The following AOPEP variants were observed in gnomAD, a reference collection of about 807,000 sequenced individuals.
AOPEP encodes the protein aminopeptidase O.
A neutral mutation model predicts 98.1 loss-of-function variants in AOPEP; 77 were observed. That is an observed-to-expected ratio of 0.78 (90% confidence interval 0.65 to 0.95). The LOEUF (loss-of-function observed/expected upper bound fraction) is 0.95. Ranked by LOEUF, AOPEP falls within the 40% of genes least tolerant of loss-of-function variation. The pLI is 0.00. For missense variants in AOPEP, 1,024 were observed against 1,024.7 expected, an observed-to-expected ratio of 1.00 and a Z score of 0.01; for synonymous variants, 346 against 365.3, an observed-to-expected ratio of 0.95 and a Z score of 0.60.
At chr9:94,761,711 C>T (rs1838342958) in intron 2 of AOPEP, among the ~76,000 whole-genome samples, 1 of 152,140 alleles carries the variant, frequency 6.6e-6, no homozygotes, top group Admixed American at 6.5e-5. Context: ...AGTTCACTTC[C>T]TGTCTTATTT....
chr9:95,085,975 C>G, intron 16 of AOPEP: 1 of 1,357,500 alleles, frequency 7.4e-7, no homozygotes, highest in Non-Finnish European at 9.8e-7. Flanking sequence ...GCCCACGGAG[C>G]TCCCAGCTGA....
the AOPEP span, chr9:95,111,001 G>A: frequency 7.0e-7 from 1 of 1,428,694 alleles, no homozygotes; most frequent in Non-Finnish European, 9.1e-7. Flanking sequence ...AGTAATGTGA[G>A]GATCTGTTGA....
At chr9:94,943,919 C>CAAA (rs775807087) in intron 7 of AOPEP, among the ~76,000 whole-genome samples, 12 of 17,412 alleles carry the variant, frequency 6.9e-4, no homozygotes, top group East Asian at 9.2e-3. Flanking sequence ...GACTCCATCT[C>CAAA]AAAAAAAAAA....
At chr9:94,803,086 T>C (rs1848529829) in intron 5 of AOPEP, among the ~76,000 whole-genome samples, 1 of 152,158 alleles carries the variant, frequency 6.6e-6, no homozygotes, top group Non-Finnish European at 1.5e-5. Flanking sequence ...GATGGTTTTG[T>C]AAGTCAACTT....
At chr9:94,797,335 G>C (rs182871143) in intron 4 of AOPEP, among the ~76,000 whole-genome samples, 10 of 151,962 alleles carry the variant, frequency 6.6e-5, no homozygotes, top group Admixed American at 2.6e-4. Context: ...GGAGGCTGGG[G>C]CAGGAGAATT....
chr9:95,023,994 G>T (rs559922770), intron 13 of AOPEP, among the ~76,000 whole-genome samples: 2 of 152,272 alleles, frequency 1.3e-5, no homozygotes, highest in South Asian at 4.1e-4. Context: ...AGTTAAAAGG[G>T]TCATTGGATA....
At chr9:94,945,392 G>T (rs965360528) in intron 7 of AOPEP, among the ~76,000 whole-genome samples, 1 of 152,130 alleles carries the variant, frequency 6.6e-6, no homozygotes, top group Non-Finnish European at 1.5e-5. Flanking sequence ...GTCATTTCTA[G>T]TTTTTTGCTT....
At chr9:95,098,538 C>T in the AOPEP span, among the ~76,000 whole-genome samples, 8 of 152,142 alleles carry the variant, frequency 5.3e-5, no homozygotes, top group South Asian at 2.1e-4. Context: ...GTCCCATAGC[C>T]GGAAGCATGG....
intron 1 of AOPEP, among the ~76,000 whole-genome samples, chr9:94,749,712 T>G (rs1588032991): frequency 6.6e-6 from 1 of 152,162 alleles, no homozygotes; most frequent in East Asian, 1.9e-4. Flanking sequence ...AATTTTCTTT[T>G]CCTTTTCAAA....
At chr9:94,772,127 C>T (rs914952955) in intron 2 of AOPEP, among the ~76,000 whole-genome samples, 1 of 152,190 alleles carries the variant, frequency 6.6e-6, no homozygotes, top group Admixed American at 6.5e-5. Flanking sequence ...ATAAGTCAAG[C>T]TGACTAAAAC....
chr9:94,839,174 C>T (rs1380368070), intron 5 of AOPEP, among the ~76,000 whole-genome samples: 1 of 151,498 alleles, frequency 6.6e-6, no homozygotes, highest in African/African-American at 2.4e-5. Flanking sequence ...AAAGCCCTGC[C>T]TCCCGGGTTC....
chr9:95,084,337 CATG>C (rs1347233827), intron 16 of AOPEP, among the ~76,000 whole-genome samples: 2 of 152,174 alleles, frequency 1.3e-5, no homozygotes, highest in African/African-American at 2.4e-5. Context: ...TTTTCAGAAG[CATG>C]ATCATATTCT....
At chr9:95,054,155 G>T (rs1320860075) in intron 13 of AOPEP, among the ~76,000 whole-genome samples, 1 of 152,184 alleles carries the variant, frequency 6.6e-6, no homozygotes, top group East Asian at 1.9e-4. Context: ...TGCCATTGTT[G>T]TCATGGCAGG....
intron 5 of AOPEP, among the ~76,000 whole-genome samples, chr9:94,820,301 A>G (rs1564193285): frequency 6.6e-6 from 1 of 152,080 alleles, no homozygotes. Context: ...TCCATTCCTT[A>G]GGTATAGTAC....
intron 5 of AOPEP, among the ~76,000 whole-genome samples, chr9:94,875,329 C>A (rs1588656431): frequency 2.5e-4 from 10 of 40,648 alleles, no homozygotes; most frequent in Admixed American, 7.4e-4. Flanking sequence ...TTAAATTTAA[C>A]AGAGTTTAAT....
intron 2 of AOPEP, among the ~76,000 whole-genome samples, chr9:94,769,403 C>T (rs1840356682): frequency 6.6e-6 from 1 of 152,094 alleles, no homozygotes; most frequent in Non-Finnish European, 1.5e-5. Flanking sequence ...GAAGAGTGAG[C>T]CTGCAGCTGA....
At chr9:94,952,204 C>T (rs541809097) in intron 7 of AOPEP, among the ~76,000 whole-genome samples, 1 of 152,308 alleles carries the variant, frequency 6.6e-6, no homozygotes, top group East Asian at 1.9e-4. Flanking sequence ...GGCAAAGCCC[C>T]TTTTCTAGAC....
chr9:95,007,217 C>T (rs2062096146), intron 13 of AOPEP, among the ~76,000 whole-genome samples: 2 of 151,964 alleles, frequency 1.3e-5, no homozygotes, highest in African/African-American at 4.8e-5. Flanking sequence ...AATTTTTAAG[C>T]CAAAAATAAG....
chr9:94,847,723 A>G (rs2043037198), intron 5 of AOPEP, among the ~76,000 whole-genome samples: 1 of 152,118 alleles, frequency 6.6e-6, no homozygotes, highest in Non-Finnish European at 1.5e-5. Flanking sequence ...AATGTGAGGT[A>G]TTTTGGAACC....
Sources: gnomAD v4.1 joint callset for allele counts (sites outside exome capture counted in the v4.1 genomes callset) on GRCh38, gnomAD v4.1.1 for gene constraint, MANE v1.5 for transcripts, NCBI Gene and HGNC (gene_info 2026-07-23, HGNC 2026-07-21) for gene names.